The following TCF7L1 variants were observed in gnomAD, a reference collection of about 807,000 sequenced individuals.
TCF7L1 encodes transcription factor 7 like 1.
TCF7L1 carries 18 observed loss-of-function variants against 63.7 expected under a neutral mutation model. The observed-to-expected ratio is 0.28, with a 90% confidence interval of 0.20 to 0.42. TCF7L1 has a LOEUF of 0.42. Ranked by LOEUF, TCF7L1 falls within the 10% of genes least tolerant of loss-of-function variation. TCF7L1 has a pLI of 1.00. For missense variants in TCF7L1, 654 were observed against 779.3 expected (o/e 0.84, Z 1.91); for synonymous variants, 355 against 340.9 (o/e 1.04, Z -0.46).
chr2:85,234,131 CTTTTTTTTTTT>C (rs35508338), intron 3 of TCF7L1, among the ~76,000 whole-genome samples: 1 of 65,238 alleles, frequency 1.5e-5, no homozygotes, highest in East Asian at 3.9e-4. Context: ...TTTTTCTTTT[CTTTTTTTTTTT>C]TTTTTTTTTT....
chr2:85,148,721 A>G (rs1356935478), intron 3 of TCF7L1, among the ~76,000 whole-genome samples: 1 of 152,138 alleles, frequency 6.6e-6, no homozygotes, highest in Non-Finnish European at 1.5e-5. Flanking sequence ...TTTAGTAGCC[A>G]AATATTTTAA....
chr2:85,202,839 TTTC>T (rs1309136933), intron 3 of TCF7L1, among the ~76,000 whole-genome samples: 1 of 152,116 alleles, frequency 6.6e-6, no homozygotes, highest in African/African-American at 2.4e-5. Context: ...CCGAACTCTT[TTTC>T]TTTTTTTTTG....
chr2:85,296,800 T>G (rs1294690066), intron 4 of TCF7L1, among the ~76,000 whole-genome samples: 1 of 152,186 alleles, frequency 6.6e-6, no homozygotes, highest in Non-Finnish European at 1.5e-5. Context: ...GATGAGAAAG[T>G]CGCTGATAGA....
chr2:85,264,249 G>A (rs1188981627), intron 3 of TCF7L1, among the ~76,000 whole-genome samples: 1 of 152,186 alleles, frequency 6.6e-6, no homozygotes, highest in Non-Finnish European at 1.5e-5. Context: ...GCGTGTATCT[G>A]AGTGACTACG....
At position 85,283,585 on chromosome 2, in the gene TCF7L1, C is replaced by A; in HGVS notation, c.525+7C>A. 1.2e-6 allele frequency: 2 copies of A among 1,614,168 alleles called. No individual in the cohort carries two copies. Among genetic ancestry groups the A allele is most frequent in the Non-Finnish European group, 1.7e-6 (2 of 1,179,988 alleles). On this transcript the variant is annotated splice_region_variant and intron_variant, in intron 4 of 11. Coordinates refer to ENST00000282111, the MANE Select transcript of TCF7L1 (RefSeq NM_031283.3). ...ACCATCTCCAGCACACTTGGTAAGT[C>A]TGTTTCACCTTAAAGCACCAAAGGG...
At chr2:85,197,384 G>A (rs373990262) in intron 3 of TCF7L1, among the ~76,000 whole-genome samples, 6 of 152,280 alleles carry the variant, frequency 3.9e-5, no homozygotes, top group African/African-American at 1.4e-4. Context: ...TGGGCAACAA[G>A]AGCGAAACTC....
At chr2:85,157,690 G>C (rs763950173) in intron 3 of TCF7L1, among the ~76,000 whole-genome samples, 4 of 152,258 alleles carry the variant, frequency 2.6e-5, no homozygotes. Context: ...TTGTCCCTAA[G>C]AGGCCCTGAG....
At chr2:85,273,311 C>T (rs781356320) in intron 3 of TCF7L1, among the ~76,000 whole-genome samples, 5 of 152,210 alleles carry the variant, frequency 3.3e-5, no homozygotes, top group African/African-American at 4.8e-5. Flanking sequence ...TGCAGTGACT[C>T]CATATTCGTC....
At chr2:85,214,913 C>T (rs1258814770) in intron 3 of TCF7L1, among the ~76,000 whole-genome samples, 2 of 152,200 alleles carry the variant, frequency 1.3e-5, no homozygotes, top group Non-Finnish European at 2.9e-5. Context: ...TTGGAGTTTG[C>T]TGTCCCCTGG....
At chr2:85,267,598 A>C (rs923439773) in intron 3 of TCF7L1, among the ~76,000 whole-genome samples, 12 of 151,470 alleles carry the variant, frequency 7.9e-5, no homozygotes, top group African/African-American at 2.2e-4. Flanking sequence ...GCAGTGAGCC[A>C]AGATCGCACC....
intron 3 of TCF7L1, among the ~76,000 whole-genome samples, chr2:85,165,262 T>C (rs1311269989): frequency 6.6e-6 from 1 of 152,262 alleles, no homozygotes; most frequent in Non-Finnish European, 1.5e-5. Flanking sequence ...TTTGGCTCCT[T>C]GAGGCTGCCG....
Position 85,133,825 on chromosome 2 carries a change from G to A in TCF7L1, c.141G>A (p.Glu47=), listed in dbSNP as rs760950626. The A allele has an allele frequency of 8.8e-6, 13 of 1,478,932 alleles. No individual in the cohort carries two copies. In the African/African-American group the frequency reaches 1.3e-4, roughly 15 times the overall value. 91.6% of individuals were successfully genotyped at this position (1,478,932 alleles called of 1,614,324 possible). ...TCCCCTTCCAGGACGAGGGGGGCGAGGAGCAGGAGCCGAGCAGCGATAGCG... is the reference window on the plus strand; with the variant it reads ...TCCCCTTCCAGGACGAGGGGGGCGAAGAGCAGGAGCCGAGCAGCGATAGCG... ...ELIPFQDEGG[E]EQEPSSDSAS... Residue 47 remains glutamate (E), a synonymous_variant, in exon 1 of 12, where the codon GAG becomes GAA. Transcript: ENST00000282111. The surrounding 1 kb of genome is among the most constrained non-coding windows in gnomAD (Gnocchi z 4.4).
intron 4 of TCF7L1, among the ~76,000 whole-genome samples, chr2:85,299,174 A>C (rs1681903327): frequency 6.6e-6 from 1 of 151,996 alleles, no homozygotes; most frequent in South Asian, 2.1e-4. Flanking sequence ...GGCCAAATAC[A>C]GCACATGAGC....
At chr2:85,243,992 A>C (rs1201920746) in intron 3 of TCF7L1, among the ~76,000 whole-genome samples, 1 of 152,212 alleles carries the variant, frequency 6.6e-6, no homozygotes, top group Non-Finnish European at 1.5e-5. Context: ...TAAAGCCTTC[A>C]GTTTGCTTGT....
chr2:85,185,960 ATT>A (rs67142055), intron 3 of TCF7L1, among the ~76,000 whole-genome samples: 107 of 94,610 alleles, frequency 1.1e-3, no homozygotes, highest in African/African-American at 2.1e-3. Flanking sequence ...AACACAGGGG[ATT>A]TTTTTTTTTT....
intron 3 of TCF7L1, among the ~76,000 whole-genome samples, chr2:85,211,544 G>C (rs1679540287): frequency 6.6e-6 from 1 of 152,172 alleles, no homozygotes; most frequent in African/African-American, 2.4e-5. Context: ...ACAGCTATGT[G>C]GGATTTCATA....
At chr2:85,137,015 C>T (rs72838188) in intron 3 of TCF7L1, among the ~76,000 whole-genome samples, 4,677 of 152,132 alleles carry the variant, frequency 0.031, 105 homozygotes, top group Non-Finnish European at 0.041. Flanking sequence ...ATATATGATC[C>T]GATCTCTCTG....
At position 85,306,206 on chromosome 2, in the gene TCF7L1, G is replaced by A; in HGVS notation, c.990G>A (p.Val330=). 6.2e-7 allele frequency: 1 copy of A among 1,614,106 alleles called. No individual in the cohort carries two copies. Residue 330 remains valine, a splice_region_variant and synonymous_variant, in exon 9 of 12, where the codon GTG becomes GTA. Coordinates refer to ENST00000282111, the MANE Select transcript of TCF7L1 (RefSeq NM_031283.3). The surrounding 1 kb of genome is among the most constrained non-coding windows in gnomAD (Gnocchi z 4.3). The stretch of plus-strand genomic sequence containing the variant: ...AACCTACAACCACGTGCCTTCCCAG[G>A]AAATCACCAGTCACCGTGAAAAAGG... The part of the protein sequence containing the change: ...APPSLSPAVS[V]KSPVTVKKEE...
intron 3 of TCF7L1, among the ~76,000 whole-genome samples, chr2:85,147,909 T>G (rs942987201): frequency 1.3e-5 from 2 of 152,104 alleles, no homozygotes; most frequent in African/African-American, 4.8e-5. Context: ...CAAAAAAATA[T>G]TAAGTTGGAC....
Sources: allele counts gnomAD v4.1 joint callset (sites outside exome capture counted in the v4.1 genomes callset), GRCh38; gene constraint gnomAD v4.1.1; non-coding constraint Gnocchi (gnomAD v3.1); transcripts MANE v1.5; gene names NCBI Gene and HGNC (gene_info 2026-07-23, HGNC 2026-07-21).